CSMD1: variants seen among roughly 807,000 people sequenced by gnomAD.
CSMD1 encodes the protein CUB and Sushi multiple domains 1.
Under a neutral mutation model 417.5 loss-of-function variants are expected in CSMD1, and 213 were observed. That is an observed-to-expected ratio of 0.51 (90% CI 0.46 to 0.57). CSMD1 has a LOEUF of 0.57. Among genes scored for constraint, CSMD1 ranks in the 20% least tolerant of loss-of-function variants. CSMD1 has a pLI of 0.00. For synonymous variants in CSMD1, 2,862 were observed against 1,736.8 expected (o/e 1.65, Z -16.11); for missense variants, 6,923 against 4,529.7 (o/e 1.53, Z -15.17).
intron 7 of CSMD1, among the ~76,000 whole-genome samples, chr8:3,638,838 G>A (rs554737535): frequency 3.9e-5 from 6 of 152,132 alleles, no homozygotes; most frequent in African/African-American, 1.2e-4. Flanking sequence ...CTTGTCTCCA[G>A]GAAGATACCC....
chr8:3,025,483 T>G (rs750420559), intron 51 of CSMD1, among the ~76,000 whole-genome samples: 1 of 152,244 alleles, frequency 6.6e-6, no homozygotes, highest in Non-Finnish European at 1.5e-5. Flanking sequence ...GTGGTGTTAT[T>G]CTGAAACTGT....
intron 3 of CSMD1, among the ~76,000 whole-genome samples, chr8:4,057,721 G>C (rs1343059531): frequency 4.0e-5 from 6 of 151,854 alleles, no homozygotes; most frequent in Non-Finnish European, 5.9e-5. Flanking sequence ...CAAGGTGTAA[G>C]GAAGGGATCC....
intron 23 of CSMD1, among the ~76,000 whole-genome samples, chr8:3,319,581 A>C (rs1010858096): frequency 6.6e-6 from 1 of 152,192 alleles, no homozygotes; most frequent in Non-Finnish European, 1.5e-5. Context: ...ACACTTCCGC[A>C]CACATTCAAC....
At chr8:4,459,426 T>G (rs1799676441) in intron 2 of CSMD1, among the ~76,000 whole-genome samples, 1 of 152,180 alleles carries the variant, frequency 6.6e-6, no homozygotes, top group Admixed American at 6.5e-5. Context: ...GCCCCACGTC[T>G]GAAGCAGTGG....
At position 3,677,797 on chromosome 8, in the gene CSMD1, A is replaced by G. The variant is rs533151797; in HGVS notation, c.1009+30617T>C. Among the ~76,000 whole-genome samples the G allele has an allele frequency of 2.0e-5, 3 of 152,306 alleles. No homozygotes were observed. The South Asian group carries it at 6.2e-4, about 32-fold the overall frequency. On this transcript the variant is annotated intron_variant, in intron 7 of 69. Transcript: ENST00000635120. The stretch of plus-strand genomic sequence containing the variant: ...ATCCAGAGTATATGTGCAATTTTTT[A>G]AAACCAGTAGATGACATAAAACTGC...
intron 2 of CSMD1, among the ~76,000 whole-genome samples, chr8:4,594,509 C>G (rs1036710173): frequency 2.0e-5 from 3 of 152,040 alleles, no homozygotes; most frequent in Non-Finnish European, 4.4e-5. Context: ...CTGAAATGAT[C>G]TGTTTCTAAA....
chr8:4,330,356 A>T (rs1585245304), intron 3 of CSMD1, among the ~76,000 whole-genome samples: 1 of 151,866 alleles, frequency 6.6e-6, no homozygotes, highest in South Asian at 2.1e-4. Context: ...GTGCTTTAGG[A>T]GGACTAGTCA....
At position 2,942,462 on chromosome 8, in the gene CSMD1, T is replaced by A. The variant is rs1286816433; in HGVS notation, c.10535+10A>T. The stretch of plus-strand genomic sequence containing the variant: ...ACAACATTCTCAAACAGATGGTGTT[T>A]CTGCAGTACCTGTGTTTGTAGAGGT... On this transcript the variant is annotated intron_variant, in intron 69 of 69. Transcript: ENST00000635120. 2.5e-6 allele frequency: 4 copies of A among 1,609,312 alleles called. No individual in the cohort carries two copies. The highest frequency in any genetic ancestry group is 3.4e-6 in the Non-Finnish European group (4 of 1,177,100).
At chr8:4,049,507 G>C (rs915004613) in intron 3 of CSMD1, among the ~76,000 whole-genome samples, 3 of 150,114 alleles carry the variant, frequency 2.0e-5, no homozygotes, top group African/African-American at 7.4e-5. Flanking sequence ...TTTTGAATAA[G>C]ATTGGAATCT....
rs991788853 is a variant in CSMD1, at chr8:3,708,331, G to A, written c.1009+83C>T. The A allele has an allele frequency of 1.7e-5, 19 of 1,095,990 alleles. No individual in the cohort carries two copies. The African/African-American group carries it at 2.8e-4, about 16-fold the overall frequency. The allele number at this position is 1,095,990 out of a possible 1,614,324, so 67.9% of individuals were successfully genotyped here. On this transcript the variant is annotated intron_variant, in intron 7 of 69. Transcript: ENST00000635120. ...AGAGATAACGTGGGGAAGGTGGTGGGTGGGATCGCTTCTTAACTGCTCCAT... is the reference window on the plus strand; with the variant it reads ...AGAGATAACGTGGGGAAGGTGGTGGATGGGATCGCTTCTTAACTGCTCCAT...
In CSMD1 at chr8:3,668,426, T is replaced by C. The variant is rs561557813; in HGVS notation, c.1009+39988A>G. Among the ~76,000 whole-genome samples, 2 of 152,252 alleles carry C rather than the reference T, an allele frequency of 1.3e-5. 1 individual carries two copies. Among genetic ancestry groups the C allele is most frequent in the East Asian group, 3.9e-4 (2 of 5,162 alleles). On this transcript the variant is annotated intron_variant, in intron 7 of 69. Transcript: ENST00000635120. ...TAAGATAACTCAGGTAGCTACAGTGTAAGCTGAAGAGATGAGGGTTTATTC... is the reference window on the plus strand; with the variant it reads ...TAAGATAACTCAGGTAGCTACAGTGCAAGCTGAAGAGATGAGGGTTTATTC...
At chr8:3,344,165 G>C (rs928594005) in intron 22 of CSMD1, among the ~76,000 whole-genome samples, 1 of 152,170 alleles carries the variant, frequency 6.6e-6, no homozygotes, top group Non-Finnish European at 1.5e-5. Context: ...TTCAGTCATG[G>C]GTTCCCAACT....
At chr8:4,386,305 C>G (rs1398294154) in intron 3 of CSMD1, among the ~76,000 whole-genome samples, 2 of 152,120 alleles carry the variant, frequency 1.3e-5, no homozygotes, top group Non-Finnish European at 2.9e-5. Flanking sequence ...ACAAAACACA[C>G]TATCAGACAT....
chr8:3,087,141 G>T lies in CSMD1; in HGVS notation c.7430C>A (p.Pro2477Gln). ...GHSNATCRRN[P>Q]LGMYQWDSLT... ...GGAGTCCCACTGGTACATGCCAAGT[G>T]GGTTTCGTCTACAGGTTGCATTGCT... Residue 2477 changes from proline to glutamine, a missense_variant, in exon 49 of 70, where the codon CCA becomes CAA. Physicochemically the swap from Pro to Gln is moderately conservative, Grantham distance 76. Transcript: ENST00000635120. 1 of 1,613,782 alleles carries T rather than the reference G, an allele frequency of 6.2e-7. No homozygotes were observed. The highest frequency in any genetic ancestry group is 8.5e-7 in the Non-Finnish European group (1 of 1,179,894).
intron 25 of CSMD1, among the ~76,000 whole-genome samples, chr8:3,284,974 A>G (rs1554499249): frequency 6.6e-6 from 1 of 152,176 alleles, no homozygotes; most frequent in Non-Finnish European, 1.5e-5. Flanking sequence ...ACTTCCAGGT[A>G]TTTTTCAGAG....
At chr8:3,105,585 G>A (rs1009228724) in intron 46 of CSMD1, among the ~76,000 whole-genome samples, 1 of 152,160 alleles carries the variant, frequency 6.6e-6, no homozygotes. Context: ...AACAGATTCA[G>A]CCTCAGTATC....
intron 5 of CSMD1, among the ~76,000 whole-genome samples, chr8:3,915,405 C>CAGAAAAAAAA (rs1554484704): frequency 5.2e-5 from 4 of 76,292 alleles, no homozygotes; most frequent in African/African-American, 1.8e-4. Flanking sequence ...GACTCTGTCT[C>CAGAAAAAAAA]AAAAAAAAAA....
At chr8:3,808,086 A>T (rs1800849885) in intron 5 of CSMD1, among the ~76,000 whole-genome samples, 1 of 152,172 alleles carries the variant, frequency 6.6e-6, no homozygotes, top group Non-Finnish European at 1.5e-5. Flanking sequence ...TGGTTTGATT[A>T]TAGAAGACCT....
At chr8:2,978,824 A>C in intron 54 of CSMD1, 24 bp from the exon 55 acceptor site, 2 of 1,560,744 alleles carry the variant, frequency 1.3e-6, no homozygotes, top group South Asian at 1.2e-5. Context: ...CATTTCACAC[A>C]CCATTTAGAA....
Sources: gnomAD v4.1 joint callset for allele counts (sites outside exome capture counted in the v4.1 genomes callset) on GRCh38, gnomAD v4.1.1 for gene constraint, MANE v1.5 for transcripts, NCBI Gene and HGNC (gene_info 2026-07-23, HGNC 2026-07-21) for gene names.